Variants in MITF observed in about 807,000 individuals in gnomAD.
MITF encodes microphthalmia-associated transcription factor.
MITF carries 17 observed loss-of-function variants against 60.5 expected under a neutral mutation model. That is an observed-to-expected ratio of 0.28 (90% CI 0.19 to 0.42). The LOEUF (loss-of-function observed/expected upper bound fraction) is 0.42, where lower values mean the gene tolerates loss of function less well. Ranked by LOEUF, MITF falls within the 10% of genes least tolerant of loss-of-function variation. MITF has a pLI of 1.00. For synonymous variants in MITF, 260 were observed against 248.5 expected (o/e 1.05, Z -0.43); for missense variants, 622 against 683.5 (o/e 0.91, Z 1.00).
At chr3:69,911,096 T>C (rs1159804960) in intron 2 of MITF, among the ~76,000 whole-genome samples, 1 of 152,128 alleles carries the variant, frequency 6.6e-6, no homozygotes, top group African/African-American at 2.4e-5. Context: ...TCCCGTGCTA[T>C]TCTCATGATA....
At position 69,755,455 on chromosome 3, in the gene MITF, T is replaced by G. The variant is rs1338806368; in HGVS notation, c.104+15754T>G. Among the ~76,000 whole-genome samples, 8 of 138,824 alleles carry G rather than the reference T, an allele frequency of 5.8e-5. No homozygotes were observed. In the East Asian group the frequency reaches 6.3e-4, roughly 11 times the overall value. The allele number at this position is 138,824 out of a possible 152,430, so 91.1% of individuals were successfully genotyped here. A position where few individuals can be genotyped will look rare whatever the true frequency, so the allele number is the denominator to read the frequency against. ...TGGGTTTTTTTTTTTTTTTTTTTTT[T>G]TTTTTTTTTTTTTTTTGGGAATAGC... On this transcript the variant is annotated intron_variant, in intron 1 of 9. Transcript: ENST00000352241.
chr3:69,866,108 A>T, intron 1 of MITF: 1 of 1,140,150 alleles, frequency 8.8e-7, no homozygotes, highest in Non-Finnish European at 1.2e-6. Flanking sequence ...TACAGTAGGT[A>T]CTGGATTAAA....
At chr3:69,796,608 G>A (rs1345605182) in intron 1 of MITF, among the ~76,000 whole-genome samples, 7 of 144,970 alleles carry the variant, frequency 4.8e-5, no homozygotes, top group African/African-American at 1.0e-4. Flanking sequence ...CCGGGTTCAC[G>A]CCATTCTGCT....
chr3:69,823,947 C>T (rs1025321234), intron 1 of MITF, among the ~76,000 whole-genome samples: 3 of 152,166 alleles, frequency 2.0e-5, no homozygotes, highest in Non-Finnish European at 4.4e-5. Context: ...TCACACATTC[C>T]AAATACATAT....
intron 1 of MITF, among the ~76,000 whole-genome samples, chr3:69,867,404 G>C (rs2064136442): frequency 6.6e-6 from 1 of 152,004 alleles, no homozygotes; most frequent in Admixed American, 6.6e-5. Flanking sequence ...ATCTTTAAAA[G>C]GTCTTATAAA....
intron 1 of MITF, among the ~76,000 whole-genome samples, chr3:69,790,410 A>G (rs1002610500): frequency 1.3e-5 from 2 of 152,234 alleles, no homozygotes; most frequent in African/African-American, 4.8e-5. Flanking sequence ...GATCTCTTGC[A>G]CAACAATGTG....
chr3:69,872,778 G>A (rs1381944581), intron 1 of MITF, among the ~76,000 whole-genome samples: 1 of 152,140 alleles, frequency 6.6e-6, no homozygotes, highest in African/African-American at 2.4e-5. Flanking sequence ...GCAGCGAATT[G>A]AGGTCTCAGC....
At chr3:69,818,181 G>C (rs948141139) in intron 1 of MITF, among the ~76,000 whole-genome samples, 1 of 152,164 alleles carries the variant, frequency 6.6e-6, no homozygotes, top group African/African-American at 2.4e-5. Flanking sequence ...CCCTTAAATA[G>C]CTTCTCATCA....
intron 1 of MITF, among the ~76,000 whole-genome samples, chr3:69,764,127 C>T (rs1313854745): frequency 6.6e-6 from 1 of 152,132 alleles, no homozygotes; most frequent in Non-Finnish European, 1.5e-5. Flanking sequence ...TCAGAAGTTC[C>T]ACTGGATCAT....
At chr3:69,765,563 T>A (rs1010162688) in intron 1 of MITF, among the ~76,000 whole-genome samples, 1 of 152,202 alleles carries the variant, frequency 6.6e-6, no homozygotes, top group Non-Finnish European at 1.5e-5. Flanking sequence ...CCCTCATTTT[T>A]AAAAAGAAAA....
chr3:69,954,996 C>T (rs1246077818), intron 7 of MITF, among the ~76,000 whole-genome samples: 1 of 152,180 alleles, frequency 6.6e-6, no homozygotes, highest in Non-Finnish European at 1.5e-5. Flanking sequence ...ATTTGTTTGA[C>T]TACATTAATT....
intron 1 of MITF, among the ~76,000 whole-genome samples, chr3:69,793,616 C>T (rs937695467): frequency 6.6e-6 from 1 of 152,186 alleles, no homozygotes; most frequent in African/African-American, 2.4e-5. Flanking sequence ...AAAATTGCTC[C>T]TGTTGAGAAC....
intron 9 of MITF, among the ~76,000 whole-genome samples, chr3:69,961,231 A>C (rs1039852460): frequency 5.7e-4 from 87 of 151,714 alleles, no homozygotes; most frequent in African/African-American, 2.1e-3. Flanking sequence ...AAAAATAGAA[A>C]AATTAGCTGG....
intron 1 of MITF, among the ~76,000 whole-genome samples, chr3:69,856,454 G>A (rs2063921144): frequency 6.6e-6 from 1 of 152,192 alleles, no homozygotes; most frequent in African/African-American, 2.4e-5. Context: ...AAGGGCAAGT[G>A]TTGAGAGATT....
chr3:69,964,978 G>A lies in MITF; in HGVS notation c.1311G>A (p.Gln437=), dbSNP rs1395271743. 1 of 1,614,082 alleles carries A rather than the reference G, an allele frequency of 6.2e-7. No individual in the cohort carries two copies. The highest frequency in any genetic ancestry group is 2.2e-5 in the East Asian group (1 of 44,864). The change falls in exon 10 of 10, where the codon CAG becomes CAA. Residue 437 remains glutamine (Q), a synonymous_variant. Transcript: ENST00000352241. ...VLENCSQDLL[Q]HHADLTCTTT... is the part of the protein sequence containing the mutation. ...AGAACTGCAGCCAAGACCTCCTTCA[G>A]CATCATGCAGACCTAACCTGTACAA...
chr3:69,835,120 C>G (rs1575790414), intron 1 of MITF, among the ~76,000 whole-genome samples: 1 of 144,264 alleles, frequency 6.9e-6, no homozygotes, highest in East Asian at 2.0e-4. Flanking sequence ...TTGCCTCAAG[C>G]CATCATCCCA....
chr3:69,949,599 G>A (rs1318731400), intron 6 of MITF, among the ~76,000 whole-genome samples: 1 of 152,156 alleles, frequency 6.6e-6, no homozygotes, highest in African/African-American at 2.4e-5. Context: ...CCACAATTGG[G>A]ATAGCATAAG....
chr3:69,864,161 T>C (rs2064068534), intron 1 of MITF, among the ~76,000 whole-genome samples: 1 of 152,202 alleles, frequency 6.6e-6, no homozygotes, highest in African/African-American at 2.4e-5. Flanking sequence ...ATTTCTCCTT[T>C]CTCAGGTGAA....
At chr3:69,824,850 C>T (rs2063330463) in intron 1 of MITF, among the ~76,000 whole-genome samples, 1 of 152,154 alleles carries the variant, frequency 6.6e-6, no homozygotes, top group African/African-American at 2.4e-5. Flanking sequence ...TCCCTGAAAC[C>T]CTAGAGGATG....
Sources: gnomAD v4.1 joint callset for allele counts (sites outside exome capture counted in the v4.1 genomes callset) on GRCh38, gnomAD v4.1.1 for gene constraint, MANE v1.5 for transcripts, NCBI Gene and HGNC (gene_info 2026-07-23, HGNC 2026-07-21) for gene names.